ST8SIA4: variants seen among roughly 807,000 people sequenced by gnomAD.
ST8SIA4 encodes the protein ST8 alpha-N-acetyl-neuraminide alpha-2,8-sialyltransferase 4.
A neutral mutation model predicts 33.9 loss-of-function variants in ST8SIA4; 15 were observed. The observed-to-expected ratio is 0.44, with a 90% CI of 0.30 to 0.68. The LOEUF (loss-of-function observed/expected upper bound fraction) is 0.68, where lower values mean the gene tolerates loss of function less well. Among genes scored for constraint, ST8SIA4 ranks in the 30% least tolerant of loss-of-function variants. The pLI, the probability that ST8SIA4 is intolerant of heterozygous loss-of-function variation, is 0.10. For synonymous variants in ST8SIA4, 171 were observed against 151.2 expected, an observed-to-expected ratio of 1.13 and a Z score of -0.96; for missense variants, 321 against 428.0, an observed-to-expected ratio of 0.75 and a Z score of 2.21.
In ST8SIA4 at chr5:100,853,471, A is replaced by T. The variant is rs141471451; in HGVS notation, c.797+2632T>A. Among the ~76,000 whole-genome samples the T allele has an allele frequency of 3.6e-3, 553 of 152,322 alleles. 2 individuals are homozygous for T. The highest frequency in any genetic ancestry group is 0.012 in the African/African-American group (503 of 41,572). On this transcript the variant is annotated intron_variant, in intron 4 of 4. Transcript: ENST00000231461. ...TTTGTGAACAGGAAGGTGGAGAGAG[A>T]AGTTATTTCTACAGAATTCAAAATC...
intron 4 of ST8SIA4, among the ~76,000 whole-genome samples, chr5:100,825,070 T>TA (rs1188145281): frequency 6.6e-6 from 1 of 151,902 alleles, no homozygotes; most frequent in African/African-American, 2.4e-5. Context: ...AAAAAAGTAA[T>TA]AAAAATAAGA....
At chr5:100,823,758 G>T (rs1751081323) in intron 4 of ST8SIA4, among the ~76,000 whole-genome samples, 1 of 152,164 alleles carries the variant, frequency 6.6e-6, no homozygotes, top group African/African-American at 2.4e-5. Context: ...CTGGAATGTG[G>T]ACTATACAAT....
intron 2 of ST8SIA4, among the ~76,000 whole-genome samples, chr5:100,894,896 C>G (rs1752747924): frequency 6.6e-6 from 1 of 152,022 alleles, no homozygotes; most frequent in Non-Finnish European, 1.5e-5. Context: ...TTCTTTCACA[C>G]TTTTAGTGAG....
intron 3 of ST8SIA4, among the ~76,000 whole-genome samples, chr5:100,876,382 T>C (rs574282297): frequency 2.0e-5 from 3 of 152,176 alleles, no homozygotes; most frequent in South Asian, 2.1e-4. Context: ...AAATGGTACA[T>C]AAATGGCACA....
At chr5:100,880,603 G>A (rs937184088) in intron 3 of ST8SIA4, among the ~76,000 whole-genome samples, 1 of 152,118 alleles carries the variant, frequency 6.6e-6, no homozygotes, top group East Asian at 1.9e-4. Flanking sequence ...GATGAAGAGA[G>A]ACTTTGGCTT....
At chr5:100,888,018 C>T (rs754151726) in intron 2 of ST8SIA4, among the ~76,000 whole-genome samples, 10 of 151,692 alleles carry the variant, frequency 6.6e-5, no homozygotes, top group Non-Finnish European at 1.3e-4. Context: ...CCATATAAGT[C>T]CATAGATTAA....
At chr5:100,849,532 C>T (rs918776501) in intron 4 of ST8SIA4, 12 of 886,454 alleles carry the variant, frequency 1.4e-5, no homozygotes, top group Non-Finnish European at 1.6e-5. Flanking sequence ...CTGTAATCCC[C>T]GCACTTTGGG....
chr5:100,864,574 C>CAAAAAAAAAAAAAAAAAAAAAAAAAAA (rs201029430), intron 3 of ST8SIA4, among the ~76,000 whole-genome samples: 1 of 69,384 alleles, frequency 1.4e-5, no homozygotes. Flanking sequence ...GACTCCGGCT[C>CAAAAAAAAAAAAAAAAAAAAAAAAAAA]AAAAAAAAAA....
At chr5:100,889,921 T>C (rs3776174) in intron 2 of ST8SIA4, among the ~76,000 whole-genome samples, 45,805 of 151,610 alleles carry the variant, frequency 0.3, 7,019 homozygotes, top group Non-Finnish European at 0.32. Flanking sequence ...AATCAAAATA[T>C]AAAAACACAA....
intron 3 of ST8SIA4, among the ~76,000 whole-genome samples, chr5:100,860,236 T>A (rs1054486736): frequency 4.6e-5 from 7 of 152,106 alleles, no homozygotes; most frequent in Admixed American, 3.9e-4. Context: ...AATACATAAT[T>A]ATCATCCTTT....
rs529819109 is a variant in ST8SIA4, at chr5:100,881,116, G to T, written c.503+5227C>A. 2.6e-5 allele frequency among the ~76,000 whole-genome samples: 4 copies of T among 152,262 alleles called. No homozygotes were observed. In the South Asian group the frequency reaches 8.3e-4, roughly 32 times the overall value. On this transcript the variant is annotated intron_variant, in intron 3 of 4. Coordinates refer to ENST00000231461, the MANE Select transcript of ST8SIA4 (RefSeq NM_005668.6). ...GTAGGAAATTCACCAACAGTGGGAG[G>T]TAGACTGAAGTAGGTTGTAGATTTA...
At chr5:100,826,820 GTATAGT>G (rs1751155068) in intron 4 of ST8SIA4, among the ~76,000 whole-genome samples, 2 of 151,816 alleles carry the variant, frequency 1.3e-5, no homozygotes, top group Admixed American at 6.6e-5. Context: ...TATATAACAT[GTATAGT>G]TATATGTTGT....
chr5:100,846,221 C>A (rs903552284), intron 4 of ST8SIA4, among the ~76,000 whole-genome samples: 1 of 151,772 alleles, frequency 6.6e-6, no homozygotes, highest in Non-Finnish European at 1.5e-5. Context: ...CTACCCAGAT[C>A]GATGAAAAAA....
chr5:100,857,593 GC>G (rs1217583092), intron 3 of ST8SIA4, among the ~76,000 whole-genome samples: 2 of 151,558 alleles, frequency 1.3e-5, no homozygotes, highest in African/African-American at 2.4e-5. Context: ...CTGCATTTTT[GC>G]ATGTTTGGCT....
chr5:100,841,640 T>A (rs1751473339), intron 4 of ST8SIA4, among the ~76,000 whole-genome samples: 1 of 151,882 alleles, frequency 6.6e-6, no homozygotes, highest in Non-Finnish European at 1.5e-5. Context: ...ATTCCTTCCT[T>A]GCTTTGTTTG....
intron 4 of ST8SIA4, among the ~76,000 whole-genome samples, chr5:100,820,749 T>C (rs1039736123): frequency 1.3e-5 from 2 of 152,126 alleles, no homozygotes; most frequent in Non-Finnish European, 2.9e-5. Flanking sequence ...ATTTAAATAA[T>C]CGTATGTGGG....
At position 100,812,040 on chromosome 5, in the gene ST8SIA4, T is replaced by C; in HGVS notation, c.887A>G (p.His296Arg). 2 of 1,614,104 alleles carry C rather than the reference T, an allele frequency of 1.2e-6. No individual in the cohort carries two copies. Among genetic ancestry groups the C allele is most frequent in the Non-Finnish European group, 1.7e-6 (2 of 1,179,982 alleles). The change falls in exon 5 of 5, where the codon CAC (histidine) becomes CGC (arginine). Residue 296 changes from histidine to arginine, a missense_variant. Transcript: ENST00000231461. ...AGGGAAGGGCCAGAATCCATACAGG[T>C]GAATTTCATCACAGAATCTTGTGGC... ...TLATRFCDEIHLYGFWPFPKD... is the reference protein window; with the variant it reads ...TLATRFCDEIRLYGFWPFPKD...
chr5:100,813,664 A>C (rs956220496), intron 4 of ST8SIA4, among the ~76,000 whole-genome samples: 1 of 152,030 alleles, frequency 6.6e-6, no homozygotes, highest in Non-Finnish European at 1.5e-5. Flanking sequence ...CTTTGAAGAA[A>C]CTATGATGTG....
Position 100,859,889 on chromosome 5 carries a change from C to A in ST8SIA4, c.504-3493G>T, listed in dbSNP as rs989370066. On this transcript the variant is annotated intron_variant, in intron 3 of 4. Transcript: ENST00000231461. ...GATCCCACTTGCATTTATTAACAGG[C>A]ATTTATTGAGAGTTTGTTTTGCAAA... Among the ~76,000 whole-genome samples the A allele has an allele frequency of 1.3e-4, 20 of 152,146 alleles. No homozygotes were observed. In the South Asian group the frequency reaches 2.5e-3, roughly 19 times the overall value.
Sources: gnomAD v4.1 joint callset for allele counts (sites outside exome capture counted in the v4.1 genomes callset) on GRCh38, gnomAD v4.1.1 for gene constraint, MANE v1.5 for transcripts, NCBI Gene and HGNC (gene_info 2026-07-23, HGNC 2026-07-21) for gene names.